The following ITFG1 variants were observed in gnomAD, a reference collection of about 807,000 sequenced individuals.
ITFG1 encodes integrin alpha FG-GAP repeat containing 1.
A neutral mutation model predicts 81.8 loss-of-function variants in ITFG1; 34 were observed. The ratio of observed to expected loss-of-function variants is 0.42; its 90% CI spans 0.32 to 0.55. The LOEUF (loss-of-function observed/expected upper bound fraction) is 0.55. Among genes scored for constraint, ITFG1 ranks in the 20% least tolerant of loss-of-function variants. The probability of loss-of-function intolerance (pLI) is 0.17; values close to 1 mark genes in which losing one functional copy is unlikely to be tolerated. For missense variants in ITFG1, 672 were observed against 755.4 expected, an observed-to-expected ratio of 0.89 and a Z score of 1.29; for synonymous variants, 285 against 270.6, an observed-to-expected ratio of 1.05 and a Z score of -0.52.
intron 10 of ITFG1, among the ~76,000 whole-genome samples, chr16:47,271,260 C>G (rs1392991719): frequency 1.3e-5 from 2 of 151,922 alleles, no homozygotes; most frequent in African/African-American, 4.8e-5. Context: ...AGAAATTTTA[C>G]AACTCAATAG....
At chr16:47,349,875 GCAAT>G (rs1217432475) in intron 8 of ITFG1, among the ~76,000 whole-genome samples, 1 of 152,198 alleles carries the variant, frequency 6.6e-6, no homozygotes, top group Non-Finnish European at 1.5e-5. Flanking sequence ...AGACCACAGT[GCAAT>G]CAAACTAGAA....
At chr16:47,183,538 G>A (rs922120625) in intron 14 of ITFG1, among the ~76,000 whole-genome samples, 4 of 151,938 alleles carry the variant, frequency 2.6e-5, no homozygotes, top group South Asian at 4.2e-4. Context: ...CTGACACCTC[G>A]CACGGCCGGG....
chr16:47,186,953 C>G (rs1487253989), intron 14 of ITFG1, among the ~76,000 whole-genome samples: 2 of 152,134 alleles, frequency 1.3e-5, no homozygotes, highest in Non-Finnish European at 1.5e-5. Flanking sequence ...CACAAGCATT[C>G]TTATACACCA....
intron 5 of ITFG1, chr16:47,449,260 G>A (rs766332794): frequency 1.3e-5 from 2 of 152,188 alleles, no homozygotes. Flanking sequence ...TAATATTTAA[G>A]TTGTAAAAGG....
At chr16:47,349,062 A>T (rs1267036868) in intron 8 of ITFG1, among the ~76,000 whole-genome samples, 1 of 152,220 alleles carries the variant, frequency 6.6e-6, no homozygotes, top group African/African-American at 2.4e-5. Context: ...TGAAGGAAGC[A>T]CTAAACATGG....
intron 5 of ITFG1, among the ~76,000 whole-genome samples, chr16:47,442,996 T>G (rs537187871): frequency 1.8e-3 from 277 of 152,228 alleles, no homozygotes; most frequent in Middle Eastern, 0.017. Context: ...TTTTGCAACC[T>G]ACTCATGTGA....
chr16:47,412,115 C>T (rs1364822360), intron 6 of ITFG1, among the ~76,000 whole-genome samples: 2 of 152,096 alleles, frequency 1.3e-5, no homozygotes, highest in South Asian at 4.1e-4. Context: ...AAAGCACCAT[C>T]CAAACAACAG....
intron 13 of ITFG1, among the ~76,000 whole-genome samples, chr16:47,230,856 C>G (rs1293991702): frequency 6.6e-6 from 1 of 152,206 alleles, no homozygotes; most frequent in African/African-American, 2.4e-5. Flanking sequence ...TCACGCCATT[C>G]TCCTGCCTCA....
chr16:47,234,620 G>T (rs545855580), intron 13 of ITFG1, among the ~76,000 whole-genome samples: 3 of 152,028 alleles, frequency 2.0e-5, no homozygotes, highest in African/African-American at 4.8e-5. Flanking sequence ...TATTCGAACC[G>T]CAAAAAATCA....
chr16:47,372,886 T>G (rs1220647393), intron 7 of ITFG1, among the ~76,000 whole-genome samples: 1 of 152,206 alleles, frequency 6.6e-6, no homozygotes, highest in Non-Finnish European at 1.5e-5. Context: ...CTTTCCCAGG[T>G]TATTATAAAT....
rs537605957 is a variant in ITFG1 at position 47,395,026 on chromosome 16, T to C, written c.656-19086A>G. Among the ~76,000 whole-genome samples the C allele has an allele frequency of 9.9e-4, 151 of 152,286 alleles. 5 individuals carry two copies. The South Asian group carries it at 0.03, about 30-fold the overall frequency. ...AGAGTCCATTATGATTATGGACAAT[T>C]TCTACTAAGAGAAATGTGAACATCT... On this transcript the variant is annotated intron_variant, in intron 6 of 17. Transcript: ENST00000320640.
At chr16:47,451,765 T>A (rs969974304) in intron 4 of ITFG1, among the ~76,000 whole-genome samples, 1 of 152,184 alleles carries the variant, frequency 6.6e-6, no homozygotes, top group South Asian at 2.1e-4. Flanking sequence ...ATGGCCTGAC[T>A]CTAAGCAACA....
chr16:47,439,506 C>A (rs1303098302), intron 5 of ITFG1, among the ~76,000 whole-genome samples: 1 of 152,160 alleles, frequency 6.6e-6, no homozygotes, highest in Non-Finnish European at 1.5e-5. Context: ...ACTCTACAAG[C>A]CAGAAGAGAG....
intron 13 of ITFG1, among the ~76,000 whole-genome samples, chr16:47,220,268 G>A (rs1050022412): frequency 6.6e-6 from 1 of 152,212 alleles, no homozygotes; most frequent in African/African-American, 2.4e-5. Flanking sequence ...ACCTTCAGAA[G>A]GTCACATTAG....
chr16:47,317,381 G>T (rs1304506815), intron 8 of ITFG1, among the ~76,000 whole-genome samples: 1 of 152,062 alleles, frequency 6.6e-6, no homozygotes, highest in Non-Finnish European at 1.5e-5. Flanking sequence ...AACAATAAAA[G>T]ATACACATAA....
At chr16:47,205,984 GC>G (rs907995021) in intron 14 of ITFG1, among the ~76,000 whole-genome samples, 2 of 151,958 alleles carry the variant, frequency 1.3e-5, no homozygotes, top group African/African-American at 2.4e-5. Flanking sequence ...TCCTGCCTCA[GC>G]CCCCTGAGTA....
chr16:47,412,114 T>C (rs570456283), intron 6 of ITFG1, among the ~76,000 whole-genome samples: 1 of 151,802 alleles, frequency 6.6e-6, no homozygotes, highest in East Asian at 1.9e-4. Flanking sequence ...AAAAGCACCA[T>C]CCAAACAACA....
At chr16:47,288,044 G>C (rs1009309350) in intron 10 of ITFG1, among the ~76,000 whole-genome samples, 3 of 152,142 alleles carry the variant, frequency 2.0e-5, no homozygotes, top group African/African-American at 7.2e-5. Context: ...TGGTCCTGCT[G>C]TACATTTTTA....
At chr16:47,240,300 A>C (rs948954752) in intron 12 of ITFG1, among the ~76,000 whole-genome samples, 2 of 150,988 alleles carry the variant, frequency 1.3e-5, no homozygotes, top group African/African-American at 4.9e-5. Flanking sequence ...TGTCTCAAAA[A>C]AAAAAAAAAA....
Sources: gnomAD v4.1 joint callset for allele counts (sites outside exome capture counted in the v4.1 genomes callset) on GRCh38, gnomAD v4.1.1 for gene constraint, MANE v1.5 for transcripts, NCBI Gene and HGNC (gene_info 2026-07-23, HGNC 2026-07-21) for gene names.